Variants in CARMIL1 observed in about 807,000 individuals in gnomAD.
CARMIL1 encodes capping protein regulator and myosin 1 linker 1, also known as F-actin-uncapping protein LRRC16A.
Under a neutral mutation model 177.1 loss-of-function variants are expected in CARMIL1, and 90 were observed. That is an observed-to-expected ratio of 0.51 (90% CI 0.43 to 0.61). CARMIL1 has a LOEUF of 0.61. Among genes scored for constraint, CARMIL1 ranks in the 20% least tolerant of loss-of-function variants. The pLI, the probability that CARMIL1 is intolerant of heterozygous loss-of-function variation, is 0.00. For missense variants in CARMIL1, 1,380 were observed against 1,667.0 expected (o/e 0.83, Z 3.00); for synonymous variants, 577 against 606.2 (o/e 0.95, Z 0.71).
intron 8 of CARMIL1, among the ~76,000 whole-genome samples, chr6:25,457,752 C>T (rs1006536435): frequency 2.6e-5 from 4 of 152,184 alleles, no homozygotes; most frequent in Admixed American, 2.6e-4. Context: ...AAAACACCTC[C>T]TTTGAGCCTT....
At chr6:25,396,261 A>C (rs1243999476) in intron 2 of CARMIL1, among the ~76,000 whole-genome samples, 1 of 152,158 alleles carries the variant, frequency 6.6e-6, no homozygotes, top group Non-Finnish European at 1.5e-5. Flanking sequence ...ATTGCTTTCA[A>C]AATTTCTCAC....
chr6:25,450,198 G>A (rs1798652278), intron 6 of CARMIL1, 141 bp from the exon 7 acceptor site: 1 of 731,998 alleles, frequency 1.4e-6, no homozygotes, highest in Non-Finnish European at 2.3e-6. Flanking sequence ...ATAGAACAGG[G>A]AGGAGAATCT....
At chr6:25,462,180 C>G (rs1166005737) in intron 8 of CARMIL1, among the ~76,000 whole-genome samples, 1 of 151,962 alleles carries the variant, frequency 6.6e-6, no homozygotes, top group African/African-American at 2.4e-5. Flanking sequence ...TGAATAAAGT[C>G]CAGTTTATCG....
In CARMIL1 at chr6:25,483,205, T is replaced by G. The variant is rs540186952; in HGVS notation, c.961+862T>G. ...TATTTATCTGCAGCACCTGGCACTG[T>G]GCCTGGACTACTGTTTAACAAAAGT... On this transcript the variant is annotated intron_variant, in intron 12 of 36. Coordinates refer to ENST00000329474, the MANE Select transcript of CARMIL1 (RefSeq NM_017640.6). Among the ~76,000 whole-genome samples the G allele has an allele frequency of 3.3e-5, 5 of 152,330 alleles. No homozygotes were observed. In the East Asian group the frequency reaches 9.7e-4, roughly 29 times the overall value.
Position 25,396,387 on chromosome 6 carries a change from G to C in CARMIL1, c.139-23727G>C, listed in dbSNP as rs1299710763. On this transcript the variant is annotated intron_variant, in intron 2 of 36. Coordinates refer to ENST00000329474, the MANE Select transcript of CARMIL1 (RefSeq NM_017640.6). Reference sequence around the variant, plus strand: ...CCTTTTTTTTTTTTTCTGAGATGGAGTTTTGCTCTTGTCACCCAGGCTGGA... The same window carrying C: ...CCTTTTTTTTTTTTTCTGAGATGGACTTTTGCTCTTGTCACCCAGGCTGGA... 5.5e-5 allele frequency among the ~76,000 whole-genome samples: 8 copies of C among 145,750 alleles called. No homozygotes were observed. In the East Asian group the frequency reaches 1.4e-3, roughly 25 times the overall value.
At chr6:25,549,076 G>A (rs887757610) in intron 26 of CARMIL1, among the ~76,000 whole-genome samples, 2 of 152,072 alleles carry the variant, frequency 1.3e-5, no homozygotes, top group Non-Finnish European at 2.9e-5. Flanking sequence ...GTTTTTATAG[G>A]GTCAAAGTTA....
Position 25,594,433 on chromosome 6 carries a change from G to T in CARMIL1, c.3025G>T (p.Val1009Phe). ...TTTGCAGGTCTGTGCTGCCAACATA[G>T]TCTCACAAGATGGTGAACAGAATGG... Reference protein sequence around the residue: ...TQAAVCAANIVSQDGEQNGLM... With the variant: ...TQAAVCAANIFSQDGEQNGLM... Residue 1009 changes from valine to phenylalanine, a missense_variant, in exon 32 of 37, where the codon GTC becomes TTC. Coordinates refer to ENST00000329474, the MANE Select transcript of CARMIL1 (RefSeq NM_017640.6). 1.2e-6 allele frequency: 2 copies of T among 1,612,106 alleles called. No individual in the cohort carries two copies. The highest frequency in any genetic ancestry group is 2.2e-5 in the East Asian group (1 of 44,860).
At chr6:25,376,089 T>C (rs1790943308) in intron 2 of CARMIL1, among the ~76,000 whole-genome samples, 1 of 152,158 alleles carries the variant, frequency 6.6e-6, no homozygotes, top group South Asian at 2.1e-4. Flanking sequence ...ATTATTATTA[T>C]TATTTTTTGA....
chr6:25,534,550 T>C (rs1451241922), intron 24 of CARMIL1, among the ~76,000 whole-genome samples: 3 of 152,198 alleles, frequency 2.0e-5, no homozygotes, highest in African/African-American at 7.2e-5. Context: ...TAACCTCAGC[T>C]AGGTGTGATT....
intron 2 of CARMIL1, among the ~76,000 whole-genome samples, chr6:25,364,649 C>T (rs926455148): frequency 3.3e-5 from 5 of 151,916 alleles, no homozygotes; most frequent in Admixed American, 1.3e-4. Context: ...CTGCGACCTC[C>T]GTCTCCCGGG....
intron 11 of CARMIL1, 111 bp from the exon 12 acceptor site, chr6:25,482,146 G>T (rs945017311): frequency 1.1e-5 from 7 of 631,096 alleles, no homozygotes; most frequent in African/African-American, 9.7e-5. Context: ...ATATTAGAAA[G>T]AAAAATATGA....
chr6:25,339,486 T>C (rs1450467965), intron 2 of CARMIL1, among the ~76,000 whole-genome samples: 2 of 152,244 alleles, frequency 1.3e-5, no homozygotes, highest in African/African-American at 4.8e-5. Flanking sequence ...TTGATTCCTA[T>C]CATGGGGTCT....
chr6:25,604,797 G>T lies in CARMIL1; in HGVS notation c.3553-15G>T, dbSNP rs1286530941. 1 of 1,571,626 alleles carries T rather than the reference G, an allele frequency of 6.4e-7. No homozygotes were observed. The highest frequency in any genetic ancestry group is 2.3e-5 in the East Asian group (1 of 43,206). On this transcript the variant is annotated splice_polypyrimidine_tract_variant and intron_variant, in intron 33 of 36. Coordinates refer to ENST00000329474, the MANE Select transcript of CARMIL1 (RefSeq NM_017640.6). ...AATGTGCACTTTTTGGGGGGATGGT[G>T]CTTGAATTTTTTAGAAGCTTGGGAA...
chr6:25,591,199 A>G (rs2151284576), intron 31 of CARMIL1, among the ~76,000 whole-genome samples: 1 of 152,326 alleles, frequency 6.6e-6, no homozygotes, highest in South Asian at 2.1e-4. Flanking sequence ...ATCCAGGTGC[A>G]CCGCCTACTG....
At chr6:25,547,964 G>A (rs1401410471) in intron 26 of CARMIL1, among the ~76,000 whole-genome samples, 1 of 152,102 alleles carries the variant, frequency 6.6e-6, no homozygotes, top group Admixed American at 6.6e-5. Context: ...GTGTAGAGGA[G>A]TACAGATGTT....
intron 29 of CARMIL1, among the ~76,000 whole-genome samples, chr6:25,564,859 G>T (rs1203591888): frequency 6.6e-6 from 1 of 152,046 alleles, no homozygotes; most frequent in Non-Finnish European, 1.5e-5. Context: ...TGAAAAATTA[G>T]ATATGGTGGG....
At chr6:25,514,545 T>C (rs1308743290) in intron 20 of CARMIL1, among the ~76,000 whole-genome samples, 2 of 89,838 alleles carry the variant, frequency 2.2e-5, no homozygotes, top group African/African-American at 4.1e-5. Flanking sequence ...AGCGAGACCT[T>C]GTCTCAAAAA....
intron 2 of CARMIL1, among the ~76,000 whole-genome samples, chr6:25,352,805 T>TGGAC (rs1040216883): frequency 3.3e-5 from 5 of 152,178 alleles, no homozygotes; most frequent in Non-Finnish European, 7.3e-5. Flanking sequence ...CTCTTACCCA[T>TGGAC]GGACAGTCTT....
chr6:25,279,691 G>T lies in CARMIL1; in HGVS notation c.-105G>T. ...CCCCTTTTCTTGCCCACTTCCATTT[G>T]CAAGCTGCATCTGCCTCTCTAAAAA... is the stretch of plus-strand genomic sequence containing the variant. On this transcript the variant is annotated 5_prime_UTR_variant, in exon 1 of 37. Coordinates refer to ENST00000329474, the MANE Select transcript of CARMIL1 (RefSeq NM_017640.6). 1 of 1,048,712 alleles carries T rather than the reference G, an allele frequency of 9.5e-7. No homozygotes were observed. The highest frequency in any genetic ancestry group is 1.5e-6 in the Non-Finnish European group (1 of 668,462). The allele number at this position is 1,048,712 out of a possible 1,614,324, so 65.0% of individuals were successfully genotyped here.
Sources: gnomAD v4.1 joint callset for allele counts (sites outside exome capture counted in the v4.1 genomes callset) on GRCh38, gnomAD v4.1.1 for gene constraint, MANE v1.5 for transcripts, NCBI Gene and HGNC (gene_info 2026-07-23, HGNC 2026-07-21) for gene names.